The following PCDHGB5 variants were observed in gnomAD, a reference collection of about 807,000 sequenced individuals.
PCDHGB5 encodes the protein protocadherin gamma subfamily B, 5.
A neutral mutation model predicts 62.9 loss-of-function variants in PCDHGB5; 48 were observed. That is an observed-to-expected ratio of 0.76 (90% CI 0.61 to 0.97). The LOEUF (loss-of-function observed/expected upper bound fraction) is 0.97, where lower values mean the gene tolerates loss of function less well. Among genes scored for constraint, PCDHGB5 ranks in the 50% least tolerant of loss-of-function variants. The pLI is 0.00. For missense variants in PCDHGB5, 1,118 were observed against 1,198.6 expected (o/e 0.93, Z 0.99); for synonymous variants, 474 against 511.2 (o/e 0.93, Z 0.98).
At position 141,490,370 on chromosome 5, in the gene PCDHGB5, G is replaced by C. The variant is rs768474199; in HGVS notation, c.2398-4437G>C. ...GTGGGGTTGTTTAATGTGCGAGACC[G>C]GGACTCAGGTAGAAATGGTGAAGTG... On this transcript the variant is annotated intron_variant, in intron 1 of 3. Coordinates refer to ENST00000617380, the MANE Select transcript of PCDHGB5 (RefSeq NM_018925.3). The surrounding 1 kb of genome is among the most constrained non-coding windows in gnomAD (Gnocchi z 5.4). 1 of 1,614,172 alleles carries C rather than the reference G, an allele frequency of 6.2e-7. No individual in the cohort carries two copies. Among genetic ancestry groups the C allele is most frequent in the Admixed American group, 1.7e-5 (1 of 60,026 alleles).
In PCDHGB5 at chr5:141,494,748, C is replaced by T. The variant is rs566281527; in HGVS notation, c.2398-59C>T. On this transcript the variant is annotated intron_variant, in intron 1 of 3. Coordinates refer to ENST00000617380, the MANE Select transcript of PCDHGB5 (RefSeq NM_018925.3). ...CTCTCCCGGCCCATCCCTAGGGGCTCGGGTGACATTCTAACTTCTCACGGG... is the reference window on the plus strand; with the variant it reads ...CTCTCCCGGCCCATCCCTAGGGGCTTGGGTGACATTCTAACTTCTCACGGG... 1.4e-5 allele frequency: 22 copies of T among 1,613,104 alleles called. No individual in the cohort carries two copies. The East Asian group carries it at 4.2e-4, about 31-fold the overall frequency.
chr5:141,424,026 C>G, intron 1 of PCDHGB5: 1 of 1,041,918 alleles, frequency 9.6e-7, no homozygotes, highest in Non-Finnish European at 1.2e-6. Context: ...TTCACAAACA[C>G]TTTTTATTTC....
At chr5:141,423,357 C>G in intron 1 of PCDHGB5, 1 of 1,614,214 alleles carries the variant, frequency 6.2e-7, no homozygotes. Context: ...TCTTTGTCAT[C>G]GTGCTGCTGG....
chr5:141,467,602 A>G (rs981250164), intron 1 of PCDHGB5, among the ~76,000 whole-genome samples: 3 of 152,216 alleles, frequency 2.0e-5, no homozygotes, highest in Non-Finnish European at 4.4e-5. Flanking sequence ...TAAGCACTTC[A>G]TCTTTGTCCC....
intron 1 of PCDHGB5, chr5:141,415,435 C>A: frequency 1.2e-6 from 2 of 1,614,202 alleles, no homozygotes; most frequent in Non-Finnish European, 8.5e-7. Context: ...TCGGGCTTTC[C>A]TGCAGACCTA....
rs1348297963 is a variant in PCDHGB5, at chr5:141,487,103, G to A, written c.2398-7704G>A. 6.2e-7 allele frequency: 1 copy of A among 1,614,124 alleles called. No individual in the cohort carries two copies. Among genetic ancestry groups the A allele is most frequent in the Non-Finnish European group, 8.5e-7 (1 of 1,180,000 alleles). On this transcript the variant is annotated intron_variant, in intron 1 of 3. Coordinates refer to ENST00000617380, the MANE Select transcript of PCDHGB5 (RefSeq NM_018925.3). The surrounding 1 kb of genome is among the most constrained non-coding windows in gnomAD (Gnocchi z 5.0). ...AGCTGACCTCCCACCACAGAAGCTG[G>A]TCATTGTGGTAAAGGATAGTGGTAG...
At chr5:141,409,868 A>G in intron 1 of PCDHGB5, 2 of 1,612,688 alleles carry the variant, frequency 1.2e-6, no homozygotes, top group South Asian at 1.1e-5. Context: ...GGGAGACCGC[A>G]ATGACAACGC....
At chr5:141,450,014 T>A (rs867473620) in intron 1 of PCDHGB5, among the ~76,000 whole-genome samples, 7,114 of 149,588 alleles carry the variant, frequency 0.048, 422 homozygotes, top group African/African-American at 0.13. Context: ...CTCTTTTTTT[T>A]TTTTTTTTTT....
At chr5:141,422,966 C>A (rs762530904) in intron 1 of PCDHGB5, 1 of 1,614,112 alleles carries the variant, frequency 6.2e-7, no homozygotes, top group Admixed American at 1.7e-5. Flanking sequence ...GAGCTGGCGC[C>A]CCGCTCTGCG....
intron 1 of PCDHGB5, chr5:141,413,227 G>A (rs552225139): frequency 1.9e-5 from 30 of 1,613,938 alleles, no homozygotes; most frequent in Non-Finnish European, 2.5e-5. Flanking sequence ...CAGCGGGCTG[G>A]TCCTGCTCTG....
In PCDHGB5 at chr5:141,426,319, C is replaced by A. The variant is rs572457971; in HGVS notation, c.2397+25795C>A. On this transcript the variant is annotated intron_variant, in intron 1 of 3. Coordinates refer to ENST00000617380, the MANE Select transcript of PCDHGB5 (RefSeq NM_018925.3). ...CAGGGTGAAGCAGAGAAGCAGGACC[C>A]GGCAGTGGCAAGCACTCTTCCCTTT... 9 of 175,482 alleles carry A rather than the reference C, an allele frequency of 5.1e-5. No homozygotes were observed. In the East Asian group the frequency reaches 6.8e-4, roughly 13 times the overall value. The allele number at this position is 175,482 out of a possible 1,614,324, so 10.9% of individuals were successfully genotyped here.
Position 141,398,483 on chromosome 5 carries a change from T to A in PCDHGB5, c.356T>A (p.Val119Glu), listed in dbSNP as rs754131866. Residue 119 changes from valine (V) to glutamate (E), a missense_variant, in exon 1 of 4, where the codon GTG becomes GAG. Around this residue, in one of 2 missense-constraint regions of PCDHGB5, gnomAD observed 84 missense variants for 169.5 expected, o/e 0.50. Transcript: ENST00000617380. ...VAENPLNFYH[V>E]NVEIEDINDH... ...GAAAATCCACTGAACTTTTATCACG[T>A]GAATGTGGAGATCGAGGACATTAAT... 6.2e-7 allele frequency: 1 copy of A among 1,608,486 alleles called. No individual in the cohort carries two copies. The highest frequency in any genetic ancestry group is 8.5e-7 in the Non-Finnish European group (1 of 1,175,958).
intron 1 of PCDHGB5, chr5:141,418,940 C>T (rs867717378): frequency 5.6e-6 from 9 of 1,614,010 alleles, no homozygotes; most frequent in Non-Finnish European, 7.6e-6. Flanking sequence ...GGAGGATTCC[C>T]CTCCAGGAGT....
Position 141,399,330 on chromosome 5 carries a change from A to G in PCDHGB5, c.1203A>G (p.Val401=). ...ISSSKNSYKL[V]TDGTLDREQT... is the part of the protein sequence containing the mutation. The stretch of plus-strand genomic sequence containing the variant: ...CATCCAAAAATTCGTATAAGTTGGT[A>G]ACAGATGGAACCCTAGACCGAGAGC... Residue 401 remains valine (V), a synonymous_variant, in exon 1 of 4, where the codon GTA becomes GTG. Transcript: ENST00000617380. The G allele has an allele frequency of 6.2e-7, 1 of 1,613,994 alleles. No individual in the cohort carries two copies. The highest frequency in any genetic ancestry group is 1.1e-5 in the South Asian group (1 of 91,080).
At chr5:141,427,965 C>G in intron 1 of PCDHGB5, 1 of 1,590,342 alleles carries the variant, frequency 6.3e-7, no homozygotes, top group Non-Finnish European at 8.6e-7. Flanking sequence ...GCCGCGGGTG[C>G]TGTACCCCGC....
At chr5:141,494,676 CT>C (rs2099756021) in intron 1 of PCDHGB5, 130 bp from the exon 2 acceptor site, 6 of 1,550,918 alleles carry the variant, frequency 3.9e-6, no homozygotes, top group Non-Finnish European at 4.4e-6. Context: ...GAGTCCACCC[CT>C]GCCCCCTCTT....
intron 1 of PCDHGB5, chr5:141,408,641 T>G: frequency 6.2e-7 from 1 of 1,614,034 alleles, no homozygotes; most frequent in Non-Finnish European, 8.5e-7. Context: ...CGAATCTGCA[T>G]CCGCTGGTAC....
At position 141,477,369 on chromosome 5, in the gene PCDHGB5, A is replaced by G; in HGVS notation, c.2398-17438A>G. The G allele has an allele frequency of 6.2e-7, 1 of 1,614,164 alleles. No individual in the cohort carries two copies. Among genetic ancestry groups the G allele is most frequent in the Non-Finnish European group, 8.5e-7 (1 of 1,180,026 alleles). ...AAAACCAGTGCAGACCTGGATCGGG[A>G]GACTGTGCCAGAATACAACCTCAGC... On this transcript the variant is annotated intron_variant, in intron 1 of 3. Transcript: ENST00000617380. The surrounding 1 kb of genome is among the most constrained non-coding windows in gnomAD (Gnocchi z 4.9).
In PCDHGB5 at chr5:141,476,432, G is replaced by A. The variant is rs139089802; in HGVS notation, c.2398-18375G>A. 15 of 1,614,116 alleles carry A rather than the reference G, an allele frequency of 9.3e-6. No individual in the cohort carries two copies. The East Asian group carries it at 3.3e-4, about 36-fold the overall frequency. Reference sequence around the variant, plus strand: ...GTGTGGGACACTGCCCTCTTGCACTGTAACTCTGGAGTTGGTAGTGGAGAA... The same window carrying A: ...GTGTGGGACACTGCCCTCTTGCACTATAACTCTGGAGTTGGTAGTGGAGAA... On this transcript the variant is annotated intron_variant, in intron 1 of 3. Coordinates refer to ENST00000617380, the MANE Select transcript of PCDHGB5 (RefSeq NM_018925.3). The surrounding 1 kb of genome is among the most constrained non-coding windows in gnomAD (Gnocchi z 7.6).
Sources: allele counts gnomAD v4.1 joint callset (sites outside exome capture counted in the v4.1 genomes callset), GRCh38; gene constraint gnomAD v4.1.1; regional missense constraint gnomAD v4.1.1; non-coding constraint Gnocchi (gnomAD v3.1); transcripts MANE v1.5; gene names NCBI Gene and HGNC (gene_info 2026-07-23, HGNC 2026-07-21).